The following TMEM132B variants were observed in gnomAD, a reference collection of about 807,000 sequenced individuals.
The protein encoded by TMEM132B is transmembrane protein 132B.
In TMEM132B, 18 loss-of-function variants were observed where a neutral mutation model predicts 90.8. That is an observed-to-expected ratio of 0.20 (90% CI 0.14 to 0.29). The LOEUF (loss-of-function observed/expected upper bound fraction) is 0.29, where lower values mean the gene tolerates loss of function less well. TMEM132B is among the 10% of genes least tolerant of loss of function. The probability of loss-of-function intolerance (pLI) is 1.00; values close to 1 mark genes in which losing one functional copy is unlikely to be tolerated. For synonymous variants in TMEM132B, 504 were observed against 523.3 expected (o/e 0.96, Z 0.50); for missense variants, 1,096 against 1,326.8 (o/e 0.83, Z 2.70).
intron 2 of TMEM132B, among the ~76,000 whole-genome samples, chr12:125,381,231 G>A (rs1878671012): frequency 6.6e-6 from 1 of 152,128 alleles, no homozygotes; most frequent in African/African-American, 2.4e-5. Flanking sequence ...CTCTCCCATA[G>A]ACATCTCATG....
In TMEM132B at chr12:125,246,476, G is replaced by A. The variant is rs190722111; in HGVS notation, c.67+59610G>A. On this transcript the variant is annotated intron_variant, in intron 1 of 8. Coordinates refer to ENST00000682704, the MANE Select transcript of TMEM132B (RefSeq NM_001366854.1). The surrounding 1 kb of genome is among the most constrained non-coding windows in gnomAD (Gnocchi z 4.2). ...CTCAGATGCCTTGTTTCGAAACAGC[G>A]TGCCGGTGTTATGATTGTGATTACT... Among the ~76,000 whole-genome samples, 14 of 152,296 alleles carry A rather than the reference G, an allele frequency of 9.2e-5. No homozygotes were observed. Among genetic ancestry groups the A allele is most frequent in the Admixed American group, 6.5e-4 (10 of 15,298 alleles).
intron 3 of TMEM132B, among the ~76,000 whole-genome samples, chr12:125,514,201 C>A (rs143937577): frequency 6.6e-6 from 1 of 152,008 alleles, no homozygotes; most frequent in Non-Finnish European, 1.5e-5. Context: ...ACGCCACACG[C>A]CCCCCACCCC....
At chr12:125,197,814 G>A (rs1872958963) in intron 1 of TMEM132B, among the ~76,000 whole-genome samples, 1 of 152,190 alleles carries the variant, frequency 6.6e-6, no homozygotes, top group African/African-American at 2.4e-5. Context: ...AGAATTGTGG[G>A]TTTGGTAACT....
intron 1 of TMEM132B, among the ~76,000 whole-genome samples, chr12:125,292,616 C>G (rs931405778): frequency 2.0e-5 from 3 of 152,164 alleles, no homozygotes; most frequent in Non-Finnish European, 2.9e-5. Context: ...TGGCTAAATC[C>G]AAGGACTCAA....
intron 3 of TMEM132B, among the ~76,000 whole-genome samples, chr12:125,452,224 T>G (rs1034894568): frequency 6.6e-6 from 1 of 152,208 alleles, no homozygotes; most frequent in African/African-American, 2.4e-5. Context: ...GTAAGTCATA[T>G]TTATATTTTG....
At chr12:125,550,680 T>G (rs1390383457) in intron 4 of TMEM132B, among the ~76,000 whole-genome samples, 1 of 152,248 alleles carries the variant, frequency 6.6e-6, no homozygotes, top group East Asian at 1.9e-4. Flanking sequence ...TAAGTGTATC[T>G]AAGAGTAACA....
intron 1 of TMEM132B, among the ~76,000 whole-genome samples, chr12:125,256,399 T>C (rs1219213933): frequency 6.6e-6 from 1 of 152,192 alleles, no homozygotes; most frequent in African/African-American, 2.4e-5. Flanking sequence ...TGTTGGTGCT[T>C]GCGTTGGAAG....
intron 4 of TMEM132B, among the ~76,000 whole-genome samples, chr12:125,556,828 C>T (rs1433054040): frequency 2.6e-5 from 4 of 152,162 alleles, no homozygotes; most frequent in Non-Finnish European, 4.4e-5. Context: ...GATCTCGGCT[C>T]GCTGCAAGCT....
At chr12:125,622,484 T>C in intron 5 of TMEM132B, 2 of 985,376 alleles carry the variant, frequency 2.0e-6, no homozygotes, top group South Asian at 9.4e-5. Context: ...TTTCCTGTGC[T>C]GGAAAGGACT....
chr12:125,635,023 C>T (rs570309130), intron 5 of TMEM132B, among the ~76,000 whole-genome samples: 2 of 152,292 alleles, frequency 1.3e-5, no homozygotes, highest in African/African-American at 2.4e-5. Context: ...GTGGACTAGA[C>T]TGCCTTTCAA....
chr12:125,241,985 T>C (rs1027929565), intron 1 of TMEM132B, among the ~76,000 whole-genome samples: 3 of 152,182 alleles, frequency 2.0e-5, no homozygotes, highest in African/African-American at 7.2e-5. Flanking sequence ...TGAAGTTCTG[T>C]CCCAGCATGT....
At chr12:125,326,028 G>C (rs960105269) in intron 1 of TMEM132B, among the ~76,000 whole-genome samples, 3 of 152,204 alleles carry the variant, frequency 2.0e-5, no homozygotes, top group Non-Finnish European at 2.9e-5. Flanking sequence ...ATGTAGTGCA[G>C]TGACATTTGG....
chr12:125,592,357 C>T lies in TMEM132B; in HGVS notation c.1437+8363C>T, dbSNP rs1885335718. ...GCTCACATGGATCTTGAAGATGGTGCTTTCCAACTTATGGCTGCAATAATT... is the reference window on the plus strand; with the variant it reads ...GCTCACATGGATCTTGAAGATGGTGTTTTCCAACTTATGGCTGCAATAATT... On this transcript the variant is annotated intron_variant, in intron 5 of 8. Coordinates refer to ENST00000682704, the MANE Select transcript of TMEM132B (RefSeq NM_001366854.1). Among the ~76,000 whole-genome samples, 9 of 152,240 alleles carry T rather than the reference C, an allele frequency of 5.9e-5. 1 individual carries two copies. In the South Asian group the frequency reaches 1.9e-3, roughly 32 times the overall value.
chr12:125,646,494 C>A (rs1173948480), intron 6 of TMEM132B, among the ~76,000 whole-genome samples: 1 of 152,178 alleles, frequency 6.6e-6, no homozygotes, highest in Non-Finnish European at 1.5e-5. Context: ...GGAAGTGATA[C>A]TGCCCTGCCT....
chr12:125,273,457 C>T (rs111244880), intron 1 of TMEM132B, among the ~76,000 whole-genome samples: 341 of 152,212 alleles, frequency 2.2e-3, no homozygotes, highest in African/African-American at 7.7e-3. Context: ...CATGGTTGCT[C>T]ATGCCTGTAG....
At chr12:125,285,669 C>T (rs1875329861) in intron 1 of TMEM132B, among the ~76,000 whole-genome samples, 2 of 152,190 alleles carry the variant, frequency 1.3e-5, no homozygotes, top group East Asian at 3.9e-4. Flanking sequence ...AGTCCTAGTT[C>T]CCTTGGGGCT....
Position 125,656,785 on chromosome 12 carries a change from C to G in TMEM132B, c.*2075C>G, listed in dbSNP as rs956413156. On this transcript the variant is annotated 3_prime_UTR_variant, in exon 9 of 9. Transcript: ENST00000682704. ...AGCTCATGTGCTGATTGACACATAGCTATCCAGGTGAGTCGGCTCCTTCTA... is the reference window on the plus strand; with the variant it reads ...AGCTCATGTGCTGATTGACACATAGGTATCCAGGTGAGTCGGCTCCTTCTA... The G allele has an allele frequency of 6.6e-6, 1 of 152,224 alleles. No individual in the cohort carries two copies. The highest frequency in any genetic ancestry group is 2.4e-5 in the African/African-American group (1 of 41,458). 9.4% of individuals were successfully genotyped at this position (152,224 alleles called of 1,614,324 possible). A position where few individuals can be genotyped will look rare whatever the true frequency, so the allele number is the denominator to read the frequency against.
At chr12:125,525,938 G>A (rs888929232) in intron 4 of TMEM132B, among the ~76,000 whole-genome samples, 1 of 152,200 alleles carries the variant, frequency 6.6e-6, no homozygotes, top group Admixed American at 6.5e-5. Context: ...GCCTAGTTGG[G>A]TGAGGGGTCT....
At chr12:125,228,896 GCTT>G (rs1873747323) in intron 1 of TMEM132B, among the ~76,000 whole-genome samples, 1 of 152,160 alleles carries the variant, frequency 6.6e-6, no homozygotes, top group Non-Finnish European at 1.5e-5. Flanking sequence ...GTGTACTGGG[GCTT>G]CTTTGACTAA....
Sources: gnomAD v4.1 joint callset for allele counts (sites outside exome capture counted in the v4.1 genomes callset) on GRCh38, gnomAD v4.1.1 for gene constraint, Gnocchi (gnomAD v3.1) non-coding constraint, MANE v1.5 for transcripts, NCBI Gene and HGNC (gene_info 2026-07-23, HGNC 2026-07-21) for gene names.